RNF175: variants seen among roughly 807,000 people sequenced by gnomAD.
The protein encoded by RNF175 is ring finger protein 175.
A neutral mutation model predicts 50.0 loss-of-function variants in RNF175; 38 were observed. The ratio of observed to expected loss-of-function variants is 0.76; its 90% confidence interval spans 0.59 to 1.00. The LOEUF is 1.00. RNF175 is among the 50% of genes least tolerant of loss of function. RNF175 has a pLI of 0.00. For synonymous variants in RNF175, 155 were observed against 146.1 expected (o/e 1.06, Z -0.44); for missense variants, 388 against 409.6 (o/e 0.95, Z 0.46).
rs183511478 is a variant in RNF175 at position 153,732,130 on chromosome 4, G to A, written c.247-3769C>T. On this transcript the variant is annotated intron_variant, in intron 3 of 8. Transcript: ENST00000347063. ...GCCTGGAATCCCAGCTACTTGGGTG[G>A]CTGAAGCGTGAGAGTTGTTTGAACC... Among the ~76,000 whole-genome samples, 19 of 152,226 alleles carry A rather than the reference G, an allele frequency of 1.2e-4. No homozygotes were observed. In the East Asian group the frequency reaches 3.5e-3, roughly 28 times the overall value.
At chr4:153,716,684 G>T (rs1399173140) in intron 6 of RNF175, among the ~76,000 whole-genome samples, 1 of 152,114 alleles carries the variant, frequency 6.6e-6, no homozygotes. Flanking sequence ...TGATTTAAAG[G>T]AATTGGCCCA....
At chr4:153,735,453 T>G (rs1288267439) in intron 3 of RNF175, among the ~76,000 whole-genome samples, 2 of 152,172 alleles carry the variant, frequency 1.3e-5, no homozygotes, top group Non-Finnish European at 2.9e-5. Context: ...GTCTTGAAAT[T>G]GGGCAGTGTC....
intron 3 of RNF175, among the ~76,000 whole-genome samples, chr4:153,739,813 C>A (rs190778397): frequency 1.3e-3 from 197 of 152,120 alleles, no homozygotes; most frequent in Middle Eastern, 0.01. Context: ...TTTGACATAC[C>A]CAGGTATAGA....
At chr4:153,751,761 G>A (rs187768176) in intron 1 of RNF175, among the ~76,000 whole-genome samples, 1 of 152,326 alleles carries the variant, frequency 6.6e-6, no homozygotes, top group African/African-American at 2.4e-5. Context: ...ATCAGTCAAA[G>A]TTACAGAGAG....
intron 3 of RNF175, among the ~76,000 whole-genome samples, chr4:153,745,274 A>G (rs890675493): frequency 1.3e-5 from 2 of 152,214 alleles, no homozygotes; most frequent in Non-Finnish European, 2.9e-5. Flanking sequence ...TTGGGTCCCT[A>G]TTGAATCGGA....
chr4:153,739,448 A>C (rs1739532457), intron 3 of RNF175, among the ~76,000 whole-genome samples: 1 of 151,988 alleles, frequency 6.6e-6, no homozygotes. Context: ...AGAAAGAAAA[A>C]GTTTTATTTT....
Position 153,723,478 on chromosome 4 carries a change from GAGAAACACAGAACAC to G in RNF175, c.402-35_402-21del. The G allele has an allele frequency of 2.9e-6, 3 of 1,047,812 alleles. No homozygotes were observed. The highest frequency in any genetic ancestry group is 4.5e-6 in the Non-Finnish European group (3 of 669,718). The allele number at this position is 1,047,812 out of a possible 1,614,324, so 64.9% of individuals were successfully genotyped here. On this transcript the variant is annotated intron_variant, in intron 4 of 8. Transcript: ENST00000347063. ...ACCAATCTGTGGAGTGAAAAATGGGGAGAAACACAGAACACAGAAACACAGAAAAATGGGGAGAAA... is the reference window on the plus strand; with the variant it reads ...ACCAATCTGTGGAGTGAAAAATGGGGAGAAACACAGAAAAATGGGGAGAAA...
intron 6 of RNF175, among the ~76,000 whole-genome samples, chr4:153,716,534 C>T (rs1014854060): frequency 6.6e-6 from 1 of 151,760 alleles, no homozygotes; most frequent in East Asian, 1.9e-4. Context: ...ACATTGGCAG[C>T]ATATTAGAAT....
rs376675058 is a variant in RNF175, at chr4:153,740,694, C to T, written c.246+7951G>A. Among the ~76,000 whole-genome samples, 13 of 152,292 alleles carry T rather than the reference C, an allele frequency of 8.5e-5. No homozygotes were observed. The East Asian group carries it at 2.3e-3, about 27-fold the overall frequency. On this transcript the variant is annotated intron_variant, in intron 3 of 8. Coordinates refer to ENST00000347063, the MANE Select transcript of RNF175 (RefSeq NM_173662.4). ...TTTTAATCATAATTATTTTAAATTC[C>T]TGGTCTGATAATTCCAAAATCTCTC...
At chr4:153,719,076 C>T (rs973525026) in intron 6 of RNF175, among the ~76,000 whole-genome samples, 2 of 152,112 alleles carry the variant, frequency 1.3e-5, no homozygotes, top group Non-Finnish European at 2.9e-5. Flanking sequence ...TACTAAGACC[C>T]ACATGCATTA....
At chr4:153,751,177 T>C (rs1212203390) in intron 2 of RNF175, among the ~76,000 whole-genome samples, 2 of 152,214 alleles carry the variant, frequency 1.3e-5, no homozygotes, top group Non-Finnish European at 2.9e-5. Flanking sequence ...GTGCCTAAAA[T>C]AAATAGTAAC....
At chr4:153,752,146 T>C (rs1461677158) in intron 1 of RNF175, among the ~76,000 whole-genome samples, 1 of 152,242 alleles carries the variant, frequency 6.6e-6, no homozygotes, top group Non-Finnish European at 1.5e-5. Flanking sequence ...GCTAACCCAC[T>C]ACATTTGGTC....
chr4:153,726,459 A>G (rs1738705044), intron 4 of RNF175, among the ~76,000 whole-genome samples: 1 of 152,142 alleles, frequency 6.6e-6, no homozygotes. Context: ...TGTAGTTGAG[A>G]GGAAACTCAC....
intron 5 of RNF175, chr4:153,721,477 T>G (rs1738336380): frequency 6.6e-6 from 1 of 152,202 alleles, no homozygotes; most frequent in Non-Finnish European, 1.5e-5. Flanking sequence ...GGTGGTAGCT[T>G]CATCCTTTCA....
intron 6 of RNF175, among the ~76,000 whole-genome samples, chr4:153,717,995 T>C (rs1738052860): frequency 6.6e-6 from 1 of 152,142 alleles, no homozygotes. Context: ...CTACATTTCC[T>C]GTGCTTCACC....
At chr4:153,756,383 TC>T (rs369535567) in intron 1 of RNF175, among the ~76,000 whole-genome samples, 1 of 152,072 alleles carries the variant, frequency 6.6e-6, no homozygotes, top group Non-Finnish European at 1.5e-5. Context: ...CATACTTGTT[TC>T]CCCCCAAGCT....
chr4:153,750,653 C>A (rs1318862856), intron 2 of RNF175, among the ~76,000 whole-genome samples: 4 of 116,788 alleles, frequency 3.4e-5, no homozygotes, highest in Admixed American at 9.5e-5. Flanking sequence ...TCTAGAAGCT[C>A]ATTTAAACAA....
At chr4:153,753,698 CAG>C (rs1553959163) in intron 1 of RNF175, among the ~76,000 whole-genome samples, 1 of 151,722 alleles carries the variant, frequency 6.6e-6, no homozygotes, top group Non-Finnish European at 1.5e-5. Context: ...GCTGGGACTA[CAG>C]GCACTCGCCA....
chr4:153,718,222 G>GTTTTTTTTTTTTTTTTTT lies in RNF175; in HGVS notation c.630+1961_630+1962insAAAAAAAAAAAAAAAAAA, dbSNP rs1460898288. ...CTTTCCTAAGGAGTTTTTTTTGTTTGTTTGTTTGTTTGTTTGTTTTTTTTT... is the reference window on the plus strand; with the variant it reads ...CTTTCCTAAGGAGTTTTTTTTGTTTGTTTTTTTTTTTTTTTTTTTTTGTTTGTTTGTTTGTTTTTTTTT... On this transcript the variant is annotated intron_variant, in intron 6 of 8. Transcript: ENST00000347063. Among the ~76,000 whole-genome samples the GTTTTTTTTTTTTTTTTTT allele has an allele frequency of 1.3e-3, 50 of 37,538 alleles. 17 individuals carry two copies. Among genetic ancestry groups the GTTTTTTTTTTTTTTTTTT allele is most frequent in the Non-Finnish European group, 2.3e-3 (32 of 14,144 alleles). 24.6% of individuals were successfully genotyped at this position (37,538 alleles called of 152,430 possible). A position where few individuals can be genotyped will look rare whatever the true frequency, so the allele number is the denominator to read the frequency against.
Sources: gnomAD v4.1 joint callset for allele counts (sites outside exome capture counted in the v4.1 genomes callset) on GRCh38, gnomAD v4.1.1 for gene constraint, MANE v1.5 for transcripts, NCBI Gene and HGNC (gene_info 2026-07-23, HGNC 2026-07-21) for gene names.